Variants in RASA2 observed in about 807,000 individuals in gnomAD.
RASA2 encodes ras GTPase-activating protein 2.
RASA2 carries 155 observed loss-of-function variants against 118.2 expected under a neutral mutation model. The ratio of observed to expected loss-of-function variants is 1.31; its 90% CI spans 1.15 to 1.50. The LOEUF (loss-of-function observed/expected upper bound fraction) is 1.50. Ranked by LOEUF, RASA2 falls within the 40% of genes most tolerant of loss-of-function variation. The pLI, the probability that RASA2 is intolerant of heterozygous loss-of-function variation, is 0.00. For missense variants in RASA2, 1,016 were observed against 1,009.6 expected, an observed-to-expected ratio of 1.01 and a Z score of -0.09; for synonymous variants, 353 against 349.1, an observed-to-expected ratio of 1.01 and a Z score of -0.12.
chr3:141,512,062 G>A (rs1427801411), intron 1 of RASA2, 101 bp from the exon 2 acceptor site: 4 of 666,842 alleles, frequency 6.0e-6, no homozygotes, highest in Non-Finnish European at 9.8e-6. Flanking sequence ...TTTTTTCTGT[G>A]CCACATTAAT....
At chr3:141,537,175 T>C (rs1220434278) in intron 4 of RASA2, among the ~76,000 whole-genome samples, 1 of 151,520 alleles carries the variant, frequency 6.6e-6, no homozygotes, top group East Asian at 1.9e-4. Context: ...TCTTATCTCC[T>C]TTTTTTTTCT....
At position 141,612,452 on chromosome 3, in the gene RASA2, T is replaced by A; in HGVS notation, c.*139T>A. The A allele has an allele frequency of 1.6e-6, 1 of 635,376 alleles. No individual in the cohort carries two copies. The highest frequency in any genetic ancestry group is 3.6e-4 in the Middle Eastern group (1 of 2,796). The allele number at this position is 635,376 out of a possible 1,614,324, so 39.4% of individuals were successfully genotyped here. On this transcript the variant is annotated 3_prime_UTR_variant, in exon 24 of 24. Coordinates refer to ENST00000286364, the MANE Select transcript of RASA2 (RefSeq NM_006506.5). Reference sequence around the variant, plus strand: ...CTGCCTCCACATTGTATTTAATATTTAATAATTGAAATTAATTGTTTGGGA... The same window carrying A: ...CTGCCTCCACATTGTATTTAATATTAAATAATTGAAATTAATTGTTTGGGA...
intron 5 of RASA2, among the ~76,000 whole-genome samples, chr3:141,547,786 T>C (rs1017859829): frequency 6.6e-6 from 1 of 152,186 alleles, no homozygotes; most frequent in Non-Finnish European, 1.5e-5. Flanking sequence ...AGACTTTCAG[T>C]TGTTCCCCAT....
chr3:141,510,168 A>G (rs1191356456), intron 1 of RASA2, among the ~76,000 whole-genome samples: 1 of 152,192 alleles, frequency 6.6e-6, no homozygotes, highest in Non-Finnish European at 1.5e-5. Context: ...ATCTAGTCCA[A>G]ACCTTCATCA....
At chr3:141,488,486 G>A (rs1247550315) in intron 1 of RASA2, among the ~76,000 whole-genome samples, 1 of 152,024 alleles carries the variant, frequency 6.6e-6, no homozygotes, top group Non-Finnish European at 1.5e-5. Context: ...GGTGGTTCAC[G>A]TATTTGGGAT....
chr3:141,555,176 G>T (rs113959821), intron 6 of RASA2, among the ~76,000 whole-genome samples: 305 of 152,258 alleles, frequency 2.0e-3, no homozygotes, highest in African/African-American at 7.0e-3. Context: ...CAGGAGAATC[G>T]CTTGAACCCT....
intron 19 of RASA2, among the ~76,000 whole-genome samples, chr3:141,605,111 G>C (rs1014597430): frequency 6.6e-6 from 1 of 151,956 alleles, no homozygotes; most frequent in Non-Finnish European, 1.5e-5. Context: ...AGGACTCTCT[G>C]TAGCCTTCAA....
chr3:141,575,260 C>T (rs2082992579), intron 14 of RASA2, among the ~76,000 whole-genome samples: 1 of 152,190 alleles, frequency 6.6e-6, no homozygotes, highest in South Asian at 2.1e-4. Flanking sequence ...GTTAACTGCA[C>T]TTCTACTAAA....
intron 1 of RASA2, among the ~76,000 whole-genome samples, chr3:141,499,469 G>A (rs1196753176): frequency 1.3e-5 from 2 of 152,016 alleles, no homozygotes; most frequent in Non-Finnish European, 2.9e-5. Context: ...ACTGAGTCTC[G>A]GCTAGCCACC....
chr3:141,514,862 G>A (rs1469765021), intron 2 of RASA2, among the ~76,000 whole-genome samples: 1 of 152,128 alleles, frequency 6.6e-6, no homozygotes, highest in Non-Finnish European at 1.5e-5. Flanking sequence ...CAACAACATC[G>A]AAAAAATCTC....
At chr3:141,580,058 G>GAAAAA (rs1224245090) in intron 15 of RASA2, among the ~76,000 whole-genome samples, 4 of 18,720 alleles carry the variant, frequency 2.1e-4, no homozygotes, top group African/African-American at 7.8e-4. Context: ...TCCATCTCAG[G>GAAAAA]AAAAAAAAAA....
chr3:141,540,680 A>G (rs2082393658), intron 5 of RASA2, 71 bp downstream of exon 5: 1 of 1,326,552 alleles, frequency 7.5e-7, no homozygotes, highest in Non-Finnish European at 1.1e-6. Context: ...TTTTAAGCCA[A>G]CTCCTTGTTT....
chr3:141,597,958 TCA>T (rs2083401023), intron 19 of RASA2, among the ~76,000 whole-genome samples: 1 of 152,162 alleles, frequency 6.6e-6, no homozygotes, highest in African/African-American at 2.4e-5. Context: ...ATTTGACAAT[TCA>T]GATGAATGGA....
intron 3 of RASA2, among the ~76,000 whole-genome samples, chr3:141,520,984 T>A (rs549953005): frequency 6.6e-6 from 1 of 152,274 alleles, no homozygotes; most frequent in East Asian, 1.9e-4. Flanking sequence ...TTTAAAATGG[T>A]CTTGTTTGTA....
intron 4 of RASA2, among the ~76,000 whole-genome samples, chr3:141,530,707 C>CA (rs2082247231): frequency 1.3e-5 from 2 of 152,072 alleles, no homozygotes; most frequent in Admixed American, 6.6e-5. Flanking sequence ...ATTAAATTCT[C>CA]AAAAAATTAA....
chr3:141,519,233 A>G (rs1212742165), intron 3 of RASA2, among the ~76,000 whole-genome samples: 1 of 152,216 alleles, frequency 6.6e-6, no homozygotes, highest in Non-Finnish European at 1.5e-5. Context: ...CAAAGATGTC[A>G]TGGGCATAAC....
chr3:141,488,176 T>TC (rs1268506314), intron 1 of RASA2, among the ~76,000 whole-genome samples: 1 of 152,214 alleles, frequency 6.6e-6, no homozygotes. Flanking sequence ...ATTTTTTTTT[T>TC]CACAGTGGTT....
chr3:141,575,986 A>G (rs921770016), intron 14 of RASA2, among the ~76,000 whole-genome samples: 1 of 152,188 alleles, frequency 6.6e-6, no homozygotes, highest in African/African-American at 2.4e-5. Context: ...CATGTTGGTC[A>G]GGCTGGTCTC....
chr3:141,545,157 C>T (rs933150371), intron 5 of RASA2, among the ~76,000 whole-genome samples: 2 of 152,168 alleles, frequency 1.3e-5, no homozygotes, highest in Non-Finnish European at 2.9e-5. Flanking sequence ...AGAAATTGCT[C>T]ATTGAATTAT....
Sources: allele counts gnomAD v4.1 joint callset (sites outside exome capture counted in the v4.1 genomes callset), GRCh38; gene constraint gnomAD v4.1.1; transcripts MANE v1.5; gene names NCBI Gene and HGNC (gene_info 2026-07-23, HGNC 2026-07-21).